DTWD2: variants seen among roughly 807,000 people sequenced by gnomAD.
DTWD2 encodes the protein tRNA-uridine aminocarboxypropyltransferase 2.
In DTWD2, 39 loss-of-function variants were observed where a neutral mutation model predicts 31.8. The ratio of observed to expected loss-of-function variants is 1.22; its 90% CI spans 0.95 to 1.60. The LOEUF (loss-of-function observed/expected upper bound fraction) is 1.60. Among genes scored for constraint, DTWD2 ranks in the 40% most tolerant of loss-of-function variants. DTWD2 has a pLI of 0.00. For synonymous variants in DTWD2, 180 were observed against 142.8 expected, an observed-to-expected ratio of 1.26 and a Z score of -1.86; for missense variants, 515 against 381.5, an observed-to-expected ratio of 1.35 and a Z score of -2.92.
At chr5:118,874,493 G>C (rs1022831392) in intron 4 of DTWD2, among the ~76,000 whole-genome samples, 2 of 152,098 alleles carry the variant, frequency 1.3e-5, no homozygotes, top group Non-Finnish European at 2.9e-5. Flanking sequence ...ATAGACAAAA[G>C]AGCCAATATA....
intron 1 of DTWD2, among the ~76,000 whole-genome samples, chr5:118,954,315 C>T (rs894487917): frequency 1.3e-5 from 2 of 152,122 alleles, no homozygotes; most frequent in Non-Finnish European, 2.9e-5. Context: ...TTTTCTCTCA[C>T]TATCACTCTC....
chr5:118,939,270 T>G lies in DTWD2; in HGVS notation c.330A>C (p.Thr110=), dbSNP rs150127381. 2,168 of 1,586,938 alleles carry G rather than the reference T, an allele frequency of 1.4e-3. 3 individuals are homozygous for G. The highest frequency in any genetic ancestry group is 1.7e-3 in the Non-Finnish European group (1,976 of 1,166,320). ...GGAGGCATGCTGCTAGTAGAGGAAC[T>G]GTACGCAACACTTTGTTTTCCTTTA... is the stretch of plus-strand genomic sequence containing the variant. ...HPAEENKVLR[T]VPLLAACLPQ... Residue 110 remains threonine (T), a synonymous_variant, in exon 3 of 6, where the codon ACA becomes ACC. Coordinates refer to ENST00000510708, the MANE Select transcript of DTWD2 (RefSeq NM_173666.4).
At chr5:118,933,981 T>C (rs1753981007) in intron 3 of DTWD2, among the ~76,000 whole-genome samples, 1 of 150,828 alleles carries the variant, frequency 6.6e-6, no homozygotes. Flanking sequence ...AAGGTTAATA[T>C]ACAAAAGTCA....
chr5:118,907,315 C>T (rs968325113), intron 4 of DTWD2, among the ~76,000 whole-genome samples: 2 of 152,090 alleles, frequency 1.3e-5, no homozygotes, highest in East Asian at 3.9e-4. Flanking sequence ...AGTCAGGGTT[C>T]TCCCCAGAAA....
chr5:118,917,908 T>A (rs182135238), intron 4 of DTWD2, among the ~76,000 whole-genome samples: 191 of 151,568 alleles, frequency 1.3e-3, no homozygotes, highest in African/African-American at 4.1e-3. Context: ...GACGTTGTAG[T>A]GAGCCGAGAT....
chr5:118,927,408 T>C (rs184529319), intron 4 of DTWD2, among the ~76,000 whole-genome samples: 51 of 152,162 alleles, frequency 3.4e-4, no homozygotes, highest in African/African-American at 1.2e-3. Context: ...GAAATAAAAA[T>C]AAACTATAAT....
chr5:118,979,165 A>G (rs955166346), intron 1 of DTWD2, among the ~76,000 whole-genome samples: 4 of 152,064 alleles, frequency 2.6e-5, no homozygotes, highest in Non-Finnish European at 5.9e-5. Flanking sequence ...TTAGCCAGGC[A>G]TGGTGGCGGG....
At chr5:118,921,082 G>C (rs1204281928) in intron 4 of DTWD2, among the ~76,000 whole-genome samples, 1 of 152,022 alleles carries the variant, frequency 6.6e-6, no homozygotes, top group Non-Finnish European at 1.5e-5. Context: ...ACACCCAATG[G>C]AAGCAAATGT....
intron 1 of DTWD2, among the ~76,000 whole-genome samples, chr5:118,960,544 A>C (rs962012537): frequency 3.9e-5 from 6 of 152,232 alleles, no homozygotes; most frequent in African/African-American, 1.4e-4. Context: ...CTTAAAACAG[A>C]ATTAACATTC....
intron 4 of DTWD2, among the ~76,000 whole-genome samples, chr5:118,922,167 C>A (rs1250570113): frequency 6.6e-6 from 1 of 152,080 alleles, no homozygotes; most frequent in East Asian, 1.9e-4. Flanking sequence ...AGATTCACTG[C>A]CAAATGGTCT....
At chr5:118,875,197 G>A (rs1472351481) in intron 4 of DTWD2, among the ~76,000 whole-genome samples, 3 of 152,114 alleles carry the variant, frequency 2.0e-5, no homozygotes, top group African/African-American at 7.2e-5. Flanking sequence ...GAGAGTTCCT[G>A]AAGGAAGCAC....
In DTWD2 at chr5:118,965,907, T is replaced by C. The variant is rs1026890094; in HGVS notation, c.219-21258A>G. ...CCTGTGACCCTGCCAAATCCCCCTC[T>C]GCGAGAAACACCCAAGAATGATCAA... On this transcript the variant is annotated intron_variant, in intron 1 of 5. Transcript: ENST00000510708. 5.0e-4 allele frequency among the ~76,000 whole-genome samples: 75 copies of C among 148,670 alleles called. 2 individuals are homozygous for C. The highest frequency in any genetic ancestry group is 1.0e-4 in the Non-Finnish European group (7 of 67,620).
At chr5:118,890,725 C>T (rs1035811058) in intron 4 of DTWD2, among the ~76,000 whole-genome samples, 9 of 152,050 alleles carry the variant, frequency 5.9e-5, no homozygotes, top group Non-Finnish European at 1.2e-4. Context: ...CGCACGCCAC[C>T]ACACCCAGGT....
At chr5:118,847,029 G>A (rs776222997) in intron 5 of DTWD2, among the ~76,000 whole-genome samples, 1 of 151,538 alleles carries the variant, frequency 6.6e-6, no homozygotes, top group African/African-American at 2.4e-5. Flanking sequence ...ATATTCCACA[G>A]CTTAGGGTAG....
chr5:118,889,042 G>A (rs1322996633), intron 4 of DTWD2, among the ~76,000 whole-genome samples: 1 of 152,106 alleles, frequency 6.6e-6, no homozygotes, highest in Non-Finnish European at 1.5e-5. Context: ...TATGTGATTT[G>A]TCTTTTCATT....
intron 3 of DTWD2, among the ~76,000 whole-genome samples, chr5:118,936,607 C>G (rs1370432183): frequency 6.6e-6 from 1 of 151,854 alleles, no homozygotes; most frequent in African/African-American, 2.4e-5. Context: ...GAGTTTGAGA[C>G]GAGGCCAGTC....
intron 1 of DTWD2, among the ~76,000 whole-genome samples, chr5:118,972,918 T>C (rs991132888): frequency 6.6e-6 from 1 of 152,204 alleles, no homozygotes; most frequent in South Asian, 2.1e-4. Flanking sequence ...TGCCCCTGTA[T>C]TGGGTGCATA....
Position 118,962,151 on chromosome 5 carries a change from T to C in DTWD2, c.219-17502A>G, listed in dbSNP as rs557820277. 5.8e-4 allele frequency among the ~76,000 whole-genome samples: 88 copies of C among 152,166 alleles called. 4 individuals carry two copies. The South Asian group carries it at 0.017, about 29-fold the overall frequency. On this transcript the variant is annotated intron_variant, in intron 1 of 5. Transcript: ENST00000510708. ...TACTCAGGAGGCTGAGGCAGGAGAA[T>C]TGCTTGAACCTGGGAGGCAGAGATT...
intron 3 of DTWD2, 23 bp downstream of exon 3, chr5:118,939,172 AC>A (rs1396604311): frequency 5.1e-6 from 8 of 1,580,678 alleles, no homozygotes; most frequent in Non-Finnish European, 6.0e-6. Context: ...AGAATTATTT[AC>A]ATTGCCCTAA....
Sources: allele counts gnomAD v4.1 joint callset (sites outside exome capture counted in the v4.1 genomes callset), GRCh38; gene constraint gnomAD v4.1.1; transcripts MANE v1.5; gene names NCBI Gene and HGNC (gene_info 2026-07-23, HGNC 2026-07-21).